Variants in SSBP2 observed in about 807,000 individuals in gnomAD.
SSBP2 encodes the protein single stranded DNA binding protein 2.
SSBP2 carries 17 observed loss-of-function variants against 61.8 expected under a neutral mutation model. The observed-to-expected ratio is 0.28, with a 90% confidence interval of 0.19 to 0.41. SSBP2 has a LOEUF of 0.41. SSBP2 is among the 10% of genes least tolerant of loss of function. The probability of loss-of-function intolerance (pLI) is 1.00; values close to 1 mark genes in which losing one functional copy is unlikely to be tolerated. For synonymous variants in SSBP2, 139 were observed against 141.3 expected (o/e 0.98, Z 0.12); for missense variants, 310 against 458.7 (o/e 0.68, Z 2.96).
At chr5:81,572,039 A>G (rs899166651) in intron 4 of SSBP2, among the ~76,000 whole-genome samples, 1 of 152,160 alleles carries the variant, frequency 6.6e-6, no homozygotes, top group Non-Finnish European at 1.5e-5. Context: ...AAGAAATAGC[A>G]GATCAATTTG....
At chr5:81,504,623 C>T (rs988004448) in intron 5 of SSBP2, among the ~76,000 whole-genome samples, 10 of 152,174 alleles carry the variant, frequency 6.6e-5, no homozygotes, top group African/African-American at 1.7e-4. Context: ...TCTGGCCACC[C>T]TATCCAAAAC....
At chr5:81,468,778 T>C (rs1046411481) in intron 8 of SSBP2, among the ~76,000 whole-genome samples, 2 of 152,010 alleles carry the variant, frequency 1.3e-5, no homozygotes, top group Non-Finnish European at 2.9e-5. Context: ...TCATTGTTTA[T>C]TTACTTTTAC....
chr5:81,703,207 T>C (rs958492661), intron 1 of SSBP2, among the ~76,000 whole-genome samples: 5 of 152,194 alleles, frequency 3.3e-5, no homozygotes, highest in Non-Finnish European at 7.3e-5. Context: ...AATAACTTAA[T>C]TGAAATTAAA....
At chr5:81,621,972 G>A (rs1035171385) in intron 3 of SSBP2, among the ~76,000 whole-genome samples, 2 of 114,554 alleles carry the variant, frequency 1.7e-5, no homozygotes, top group African/African-American at 6.5e-5. Context: ...CGGGGGAGGG[G>A]GGAGGGATAG....
At chr5:81,684,466 T>C (rs1405198298) in intron 1 of SSBP2, among the ~76,000 whole-genome samples, 1 of 152,138 alleles carries the variant, frequency 6.6e-6, no homozygotes, top group East Asian at 1.9e-4. Flanking sequence ...ATGGGCAGAA[T>C]ACAGGGTATT....
chr5:81,658,651 T>A (rs1750433877), intron 1 of SSBP2, among the ~76,000 whole-genome samples: 1 of 152,218 alleles, frequency 6.6e-6, no homozygotes, highest in Non-Finnish European at 1.5e-5. Flanking sequence ...TAAGTGAGAT[T>A]ATATAGTATT....
At chr5:81,436,367 C>T (rs1328351661) in intron 15 of SSBP2, among the ~76,000 whole-genome samples, 1 of 151,566 alleles carries the variant, frequency 6.6e-6, no homozygotes, top group Non-Finnish European at 1.5e-5. Flanking sequence ...AAATATTTAT[C>T]TATTTTTAGA....
chr5:81,550,321 TCCTTGAG>T (rs1273573276), intron 4 of SSBP2, among the ~76,000 whole-genome samples: 6 of 152,194 alleles, frequency 3.9e-5, no homozygotes, highest in Admixed American at 6.5e-5. Context: ...AACTGCAAAT[TCCTTGAG>T]GGCCACAATC....
At position 81,473,743 on chromosome 5, in the gene SSBP2, T is replaced by C; in HGVS notation, c.527A>G (p.Gln176Arg). Residue 176 changes from glutamine to arginine, a missense_variant, in exon 8 of 17, where the codon CAG becomes CGG. Gln to Arg is a conservative substitution (Grantham distance 43). Transcript: ENST00000320672. ...CATTCCTCTTGGAGGAGTCATTCTC[T>C]GCATTGGCCCACCCATATTTGGATG... is the stretch of plus-strand genomic sequence containing the variant. 2 of 1,613,984 alleles carry C rather than the reference T, an allele frequency of 1.2e-6. No homozygotes were observed. Among genetic ancestry groups the C allele is most frequent in the Non-Finnish European group, 1.7e-6 (2 of 1,179,902 alleles).
chr5:81,543,451 A>G (rs977096973), intron 4 of SSBP2, among the ~76,000 whole-genome samples: 20 of 152,146 alleles, frequency 1.3e-4, no homozygotes, highest in African/African-American at 9.7e-5. Flanking sequence ...GGGCTAAACA[A>G]TGGGTACTCA....
At chr5:81,622,120 T>TA (rs76185243) in intron 3 of SSBP2, among the ~76,000 whole-genome samples, 1,770 of 127,002 alleles carry the variant, frequency 0.014, 19 homozygotes, top group African/African-American at 0.024. Context: ...AAAAAAAAAT[T>TA]AAAAAAAAAA....
At chr5:81,513,300 T>C (rs1469526932) in intron 5 of SSBP2, among the ~76,000 whole-genome samples, 1 of 152,126 alleles carries the variant, frequency 6.6e-6, no homozygotes, top group Non-Finnish European at 1.5e-5. Flanking sequence ...ATAGTTAATA[T>C]CCATCTCTTT....
At chr5:81,615,675 A>G (rs1745938009) in intron 3 of SSBP2, 118 bp from the exon 4 acceptor site, 6 of 659,256 alleles carry the variant, frequency 9.1e-6, no homozygotes, top group Non-Finnish European at 1.3e-5. Flanking sequence ...TTCAGAACAG[A>G]TATCTATCTG....
At chr5:81,442,239 T>TA (rs1006100145) in intron 13 of SSBP2, among the ~76,000 whole-genome samples, 10 of 151,820 alleles carry the variant, frequency 6.6e-5, no homozygotes, top group Middle Eastern at 3.4e-3. Context: ...TTTCATATTC[T>TA]AAAAAAAACA....
chr5:81,702,874 T>C (rs1441167927), intron 1 of SSBP2, among the ~76,000 whole-genome samples: 1 of 152,214 alleles, frequency 6.6e-6, no homozygotes, highest in Non-Finnish European at 1.5e-5. Context: ...AGCCTTATAT[T>C]GAACTACAGC....
At chr5:81,493,626 T>A (rs1025503544) in intron 5 of SSBP2, among the ~76,000 whole-genome samples, 1 of 151,954 alleles carries the variant, frequency 6.6e-6, no homozygotes. Flanking sequence ...TGTGGTGGCA[T>A]GTGCCTGTAG....
At chr5:81,718,370 A>T (rs1234309707) in intron 1 of SSBP2, among the ~76,000 whole-genome samples, 3 of 152,178 alleles carry the variant, frequency 2.0e-5, no homozygotes, top group Non-Finnish European at 4.4e-5. Flanking sequence ...CTGAGAAAAA[A>T]TAGCCGATAA....
chr5:81,526,275 TATAAC>T (rs1206759042), intron 4 of SSBP2, among the ~76,000 whole-genome samples: 4 of 152,038 alleles, frequency 2.6e-5, no homozygotes, highest in Non-Finnish European at 4.4e-5. Context: ...ATGCATCTAA[TATAAC>T]ATATTTCAAA....
At chr5:81,619,487 A>G (rs1180327865) in intron 3 of SSBP2, among the ~76,000 whole-genome samples, 114 of 134,418 alleles carry the variant, frequency 8.5e-4, no homozygotes, top group Non-Finnish European at 1.5e-3. Context: ...AAAAGAGTCC[A>G]GGACCAGATG....
Sources: gnomAD v4.1 joint callset for allele counts (sites outside exome capture counted in the v4.1 genomes callset) on GRCh38, gnomAD v4.1.1 for gene constraint, MANE v1.5 for transcripts, NCBI Gene and HGNC (gene_info 2026-07-23, HGNC 2026-07-21) for gene names.